FANCB: variants seen among roughly 807,000 people sequenced by gnomAD.
The protein encoded by FANCB is FA complementation group B, also known as Fanconi anemia group B protein.
A neutral mutation model predicts 38.9 loss-of-function variants in FANCB; 5 were observed. That is an observed-to-expected ratio of 0.13 (90% CI 0.07 to 0.27). FANCB has a LOEUF of 0.27. Ranked by LOEUF, FANCB falls within the 10% of genes least tolerant of loss-of-function variation. The pLI is 1.00. For synonymous variants in FANCB, 236 were observed against 215.4 expected (o/e 1.10, Z -0.84); for missense variants, 573 against 602.7 (o/e 0.95, Z 0.52).
the FANCB span, among the ~76,000 whole-genome samples, chrX:14,774,759 T>C: frequency 8.9e-6 from 1 of 112,276 alleles, no homozygotes; most frequent in African/African-American, 3.2e-5. Flanking sequence ...GCCCTGGCCA[T>C]GTCTCTTTAT....
At chrX:14,758,190 C>T in the FANCB span, among the ~76,000 whole-genome samples, 1 of 111,202 alleles carries the variant, frequency 9.0e-6, no homozygotes, top group African/African-American at 3.3e-5. Flanking sequence ...AACCACACCC[C>T]ATCCCCCACA....
intron 6 of FANCB, among the ~76,000 whole-genome samples, chrX:14,852,037 TTGCTG>T (rs756147701): frequency 8.9e-6 from 1 of 112,166 alleles, no homozygotes; most frequent in East Asian, 2.8e-4. Flanking sequence ...TACTATAGTG[TTGCTG>T]TGCTGTGCCT....
chrX:14,820,121 C>T, the FANCB span, among the ~76,000 whole-genome samples: 1 of 111,189 alleles, frequency 9.0e-6, no homozygotes, highest in East Asian at 2.8e-4. Context: ...ACCCATCCCT[C>T]TTCCCTAGTC....
intron 7 of FANCB, among the ~76,000 whole-genome samples, chrX:14,846,302 C>T (rs2092376965): frequency 1.8e-5 from 2 of 111,434 alleles, no homozygotes; most frequent in African/African-American, 6.5e-5. Context: ...AAAACCACAA[C>T]AGACCAAACT....
intron 7 of FANCB, among the ~76,000 whole-genome samples, chrX:14,848,834 C>G (rs1323042989): frequency 9.0e-6 from 1 of 111,106 alleles, no homozygotes; most frequent in Non-Finnish European, 1.9e-5. Flanking sequence ...TAACCTACCC[C>G]CGCCCTCACT....
chrX:14,799,520 T>C, the FANCB span, among the ~76,000 whole-genome samples: 1 of 112,060 alleles, frequency 8.9e-6, no homozygotes, highest in African/African-American at 3.2e-5. Flanking sequence ...CTGTAACAAA[T>C]ATCTAAAAAT....
chrX:14,730,465 G>A, the FANCB span: 1 of 1,203,719 alleles, frequency 8.3e-7, no homozygotes, highest in Non-Finnish European at 1.1e-6. Flanking sequence ...CATTCGGCAT[G>A]AAGATGTCCA....
chrX:14,758,191 A>G, the FANCB span, among the ~76,000 whole-genome samples: 1 of 110,869 alleles, frequency 9.0e-6, no homozygotes, highest in East Asian at 2.8e-4. Flanking sequence ...ACCACACCCC[A>G]TCCCCCACAG....
chrX:14,707,834 G>A, the FANCB span, among the ~76,000 whole-genome samples: 1 of 110,201 alleles, frequency 9.1e-6, no homozygotes, highest in Admixed American at 9.6e-5. Context: ...CTAGCTTTAA[G>A]GTATAATTGA....
chrX:14,778,188 C>G, the FANCB span, among the ~76,000 whole-genome samples: 2,732 of 112,077 alleles, frequency 0.024, 33 homozygotes, highest in Non-Finnish European at 0.04. Flanking sequence ...AAACTCTGCA[C>G]AGCTCCTGGA....
the FANCB span, among the ~76,000 whole-genome samples, chrX:14,791,106 G>A: frequency 0.028 from 3,041 of 108,480 alleles, 99 homozygotes; most frequent in African/African-American, 0.099. Flanking sequence ...AAAGCAAGGC[G>A]TGAATTTAAG....
intron 10 of FANCB, among the ~76,000 whole-genome samples, chrX:14,837,653 T>C (rs750724631): frequency 8.9e-6 from 1 of 112,586 alleles, no homozygotes; most frequent in South Asian, 3.6e-4. Context: ...TAGAATTGTG[T>C]ATTATGTGCA....
chrX:14,703,457 T>C, the FANCB span, among the ~76,000 whole-genome samples: 1 of 112,039 alleles, frequency 8.9e-6, no homozygotes, highest in Non-Finnish European at 1.9e-5. Flanking sequence ...CTAAGAGTCA[T>C]GTGATTAAGT....
chrX:14,694,969 G>C, the FANCB span, among the ~76,000 whole-genome samples: 9 of 112,133 alleles, frequency 8.0e-5, no homozygotes, highest in South Asian at 1.1e-3. Flanking sequence ...AGTGGAACTT[G>C]AGTCACATTT....
the FANCB span, among the ~76,000 whole-genome samples, chrX:14,791,889 A>G: frequency 8.9e-6 from 1 of 112,005 alleles, no homozygotes; most frequent in South Asian, 3.7e-4. Flanking sequence ...TTAAGATCCC[A>G]TGTCCTTTTT....
the FANCB span, chrX:14,690,646 T>C: frequency 1.2e-6 from 1 of 824,698 alleles, no homozygotes; most frequent in Admixed American, 2.3e-5. Context: ...TGGCAGGCTT[T>C]CATAGTCTTT....
rs376228096 is a variant in FANCB at position 14,851,621 on chromosome X, TGCC to T, written c.1327-950_1327-948del. ...GAAACCTGGGGAAATTTTTACTACC[TGCC>T]GCCAGGTTTGCTTTTAAAACTAACA... is the stretch of plus-strand genomic sequence containing the variant. On this transcript the variant is annotated intron_variant, in intron 6 of 9. Transcript: ENST00000650831. Among the ~76,000 whole-genome samples the T allele has an allele frequency of 3.1e-3, 347 of 112,135 alleles. 1 individual carries two copies. Among genetic ancestry groups the T allele is most frequent in the African/African-American group, 0.01 (313 of 30,855 alleles).
At chrX:14,737,215 A>T in the FANCB span, among the ~76,000 whole-genome samples, 1 of 111,629 alleles carries the variant, frequency 9.0e-6, no homozygotes, top group East Asian at 2.8e-4. Flanking sequence ...AACGAAACTT[A>T]AGTTACCAAC....
At chrX:14,839,808 C>A (rs1356832162), downstream of FANCB, among the ~76,000 whole-genome samples, 1 of 110,433 alleles carries the variant, frequency 9.1e-6, no homozygotes, top group East Asian at 2.8e-4. Context: ...CAGTTAGAAA[C>A]AATTTTAACT....
Sources: gnomAD v4.1 joint callset for allele counts (sites outside exome capture counted in the v4.1 genomes callset) on GRCh38, gnomAD v4.1.1 for gene constraint, MANE v1.5 for transcripts, NCBI Gene and HGNC (gene_info 2026-07-23, HGNC 2026-07-21) for gene names.